The following NPAS2 variants were observed in gnomAD, a reference collection of about 807,000 sequenced individuals.
The protein encoded by NPAS2 is neuronal PAS domain-containing protein 2.
NPAS2 carries 23 observed loss-of-function variants against 107.5 expected under a neutral mutation model. That is an observed-to-expected ratio of 0.21 (90% CI 0.15 to 0.30). NPAS2 has a LOEUF of 0.30. Ranked by LOEUF, NPAS2 falls within the 10% of genes least tolerant of loss-of-function variation. NPAS2 has a pLI of 1.00. For synonymous variants in NPAS2, 403 were observed against 417.5 expected (o/e 0.97, Z 0.42); for missense variants, 756 against 1,043.3 (o/e 0.72, Z 3.79).
At chr2:100,995,195 T>TA in intron 20 of NPAS2, 13 of 483,810 alleles carry the variant, frequency 2.7e-5, no homozygotes, top group Admixed American at 7.4e-5. Flanking sequence ...AGAACTTAGC[T>TA]TCAGAATTCA....
intron 7 of NPAS2, among the ~76,000 whole-genome samples, chr2:100,957,115 G>A (rs767506001): frequency 6.6e-6 from 1 of 152,236 alleles, no homozygotes. Context: ...TGTTCTGGGG[G>A]CAGGGGAGGG....
At chr2:100,925,108 TG>T (rs751881835) in intron 2 of NPAS2, 37 bp from the exon 3 acceptor site, 192 of 1,579,330 alleles carry the variant, frequency 1.2e-4, no homozygotes, top group Non-Finnish European at 1.6e-4. Context: ...CTTTGTGACG[TG>T]GAATGTTCCA....
At chr2:100,848,329 G>C (rs974171) in intron 1 of NPAS2, among the ~76,000 whole-genome samples, 1 of 152,108 alleles carries the variant, frequency 6.6e-6, no homozygotes, top group East Asian at 1.9e-4. Flanking sequence ...TTCTAGAAGA[G>C]ATTCCTGTAT....
chr2:100,942,111 G>A (rs1377594413), intron 5 of NPAS2, among the ~76,000 whole-genome samples: 1 of 152,118 alleles, frequency 6.6e-6, no homozygotes, highest in Non-Finnish European at 1.5e-5. Flanking sequence ...AAGAAAACAA[G>A]GCACAAGTGT....
intron 7 of NPAS2, among the ~76,000 whole-genome samples, chr2:100,958,554 G>A (rs1282188865): frequency 6.6e-6 from 1 of 152,150 alleles, no homozygotes; most frequent in Non-Finnish European, 1.5e-5. Context: ...AGAGATCGCA[G>A]GGGAGTTAAA....
chr2:100,970,980 T>C lies in NPAS2; in HGVS notation c.1056-10T>C. Reference sequence around the variant, plus strand: ...CCATCTCCACTGTGGTCTCTTAATTTCCTGTACAGTTACGCAGATGTCCGG... The same window carrying C: ...CCATCTCCACTGTGGTCTCTTAATTCCCTGTACAGTTACGCAGATGTCCGG... On this transcript the variant is annotated splice_polypyrimidine_tract_variant and intron_variant, in intron 11 of 20. Coordinates refer to ENST00000335681, the MANE Select transcript of NPAS2 (RefSeq NM_002518.4). The C allele has an allele frequency of 6.2e-7, 1 of 1,613,748 alleles. No homozygotes were observed. The highest frequency in any genetic ancestry group is 2.2e-5 in the East Asian group (1 of 44,860).
intron 15 of NPAS2, among the ~76,000 whole-genome samples, 175 bp downstream of exon 15, chr2:100,977,974 C>T (rs112040426): frequency 6.6e-6 from 1 of 152,190 alleles, no homozygotes; most frequent in Non-Finnish European, 1.5e-5. Context: ...CCCACCCTCT[C>T]GTCTCCAAGT....
At chr2:100,919,915 T>G (rs1683119175) in intron 2 of NPAS2, among the ~76,000 whole-genome samples, 1 of 152,198 alleles carries the variant, frequency 6.6e-6, no homozygotes. Context: ...AGTATTGTAT[T>G]GCACCCCCTA....
At chr2:100,834,308 G>T (rs1269812599) in intron 1 of NPAS2, among the ~76,000 whole-genome samples, 2 of 152,182 alleles carry the variant, frequency 1.3e-5, no homozygotes, top group African/African-American at 2.4e-5. Context: ...TACCCACTCT[G>T]CCTGAATCGC....
rs887870959 is a variant in NPAS2 at position 100,991,569 on chromosome 2, G to A, written c.2111+697G>A. On this transcript the variant is annotated intron_variant, in intron 19 of 20. Transcript: ENST00000335681. Reference sequence around the variant, plus strand: ...TGGGATGCCCTCATGTAGAAGCCTCGCAGGCACCCCCAGGCCCCTCTCCCT... The same window carrying A: ...TGGGATGCCCTCATGTAGAAGCCTCACAGGCACCCCCAGGCCCCTCTCCCT... Among the ~76,000 whole-genome samples, 6 of 152,162 alleles carry A rather than the reference G, an allele frequency of 3.9e-5. No individual in the cohort carries two copies. The East Asian group carries it at 5.8e-4, about 15-fold the overall frequency.
intron 1 of NPAS2, among the ~76,000 whole-genome samples, chr2:100,875,123 C>G (rs13424975): frequency 6.6e-6 from 1 of 152,146 alleles, no homozygotes; most frequent in Non-Finnish European, 1.5e-5. Flanking sequence ...GAAATTCTGA[C>G]GCATGCTACA....
rs573719948 is a variant in NPAS2 at position 100,880,693 on chromosome 2, C to T, written c.-22-24040C>T. 5.9e-5 allele frequency among the ~76,000 whole-genome samples: 9 copies of T among 152,226 alleles called. No homozygotes were observed. In the South Asian group the frequency reaches 1.9e-3, roughly 32 times the overall value. ...CCAGAGAAAGGTGGTAGTTGCACAACATTATGAATGCAGTGAACACCACTG... is the reference window on the plus strand; with the variant it reads ...CCAGAGAAAGGTGGTAGTTGCACAATATTATGAATGCAGTGAACACCACTG... On this transcript the variant is annotated intron_variant, in intron 1 of 20. Coordinates refer to ENST00000335681, the MANE Select transcript of NPAS2 (RefSeq NM_002518.4).
At chr2:100,838,356 A>C (rs7588869) in intron 1 of NPAS2, among the ~76,000 whole-genome samples, 45,691 of 151,846 alleles carry the variant, frequency 0.3, 8,653 homozygotes, top group East Asian at 0.58. Flanking sequence ...CAGCTCACTG[A>C]AACCTCCACC....
intron 1 of NPAS2, among the ~76,000 whole-genome samples, chr2:100,850,953 C>CAAAA (rs148858541): frequency 0.018 from 774 of 41,844 alleles, 177 homozygotes; most frequent in East Asian, 0.058. Context: ...AACTCTGTCT[C>CAAAA]AAAAAAAAAA....
chr2:100,986,429 A>G (rs1364110231), intron 16 of NPAS2: 1 of 152,222 alleles, frequency 6.6e-6, no homozygotes, highest in Non-Finnish European at 1.5e-5. Context: ...TCGGTCCTGT[A>G]CTGCATATGA....
chr2:100,964,006 G>C, intron 7 of NPAS2, 52 bp from the exon 8 acceptor site: 1 of 1,161,144 alleles, frequency 8.6e-7, no homozygotes, highest in Non-Finnish European at 1.3e-6. Context: ...GGGATTGGCT[G>C]CTGTCACCAG....
chr2:100,850,913 A>G (rs963025712), intron 1 of NPAS2, among the ~76,000 whole-genome samples: 1 of 122,834 alleles, frequency 8.1e-6, no homozygotes, highest in African/African-American at 3.1e-5. Flanking sequence ...AGATCGCACC[A>G]TTGTACTCTA....
rs1482644468 is a variant in NPAS2 at position 100,995,341 on chromosome 2, G to A, written c.2293-59G>A. 4.0e-6 allele frequency: 6 copies of A among 1,491,346 alleles called. No individual in the cohort carries two copies. The Admixed American group carries it at 7.3e-5, about 18-fold the overall frequency. The allele number at this position is 1,491,346 out of a possible 1,614,324, so 92.4% of individuals were successfully genotyped here. ...CAGCATGCCCCGCACTGCCTTGTAA[G>A]ACAGTTGAGGAGCGGACATCAGAAC... On this transcript the variant is annotated intron_variant, in intron 20 of 20. Coordinates refer to ENST00000335681, the MANE Select transcript of NPAS2 (RefSeq NM_002518.4).
intron 1 of NPAS2, among the ~76,000 whole-genome samples, chr2:100,902,978 G>A (rs988233999): frequency 3.9e-5 from 6 of 152,188 alleles, no homozygotes; most frequent in Non-Finnish European, 8.8e-5. Context: ...AAATGTCTGC[G>A]GGATAAACAT....
Sources: gnomAD v4.1 joint callset for allele counts (sites outside exome capture counted in the v4.1 genomes callset) on GRCh38, gnomAD v4.1.1 for gene constraint, MANE v1.5 for transcripts, NCBI Gene and HGNC (gene_info 2026-07-23, HGNC 2026-07-21) for gene names.